Variants in NUF2 observed in about 807,000 individuals in gnomAD.
NUF2 encodes the protein kinetochore protein Nuf2.
In NUF2, 34 loss-of-function variants were observed where a neutral mutation model predicts 61.8. The ratio of observed to expected loss-of-function variants is 0.55; its 90% confidence interval spans 0.42 to 0.73. The LOEUF (loss-of-function observed/expected upper bound fraction) is 0.73. NUF2 is among the 30% of genes least tolerant of loss of function. The pLI, the probability that NUF2 is intolerant of heterozygous loss-of-function variation, is 0.00. For synonymous variants in NUF2, 172 were observed against 181.6 expected (o/e 0.95, Z 0.42); for missense variants, 445 against 539.1 (o/e 0.83, Z 1.73).
chr1:163,353,296 A>C (rs1651385534), intron 13 of NUF2, among the ~76,000 whole-genome samples: 1 of 152,190 alleles, frequency 6.6e-6, no homozygotes, highest in East Asian at 1.9e-4. Context: ...AAATGGCTAC[A>C]CTGGCTGTAA....
At chr1:163,337,618 C>T (rs905396448) in intron 6 of NUF2, among the ~76,000 whole-genome samples, 2 of 152,092 alleles carry the variant, frequency 1.3e-5, no homozygotes, top group African/African-American at 4.8e-5. Context: ...TAAGACACAC[C>T]TCAGACATCT....
chr1:163,334,172 T>C (rs558800118), intron 5 of NUF2, among the ~76,000 whole-genome samples: 12 of 152,322 alleles, frequency 7.9e-5, no homozygotes, highest in Non-Finnish European at 1.8e-4. Flanking sequence ...GGTTGAGTAG[T>C]GTTCTCTGGT....
In NUF2 at chr1:163,347,902, A is replaced by G; in HGVS notation, c.1088A>G (p.His363Arg). The change falls in exon 12 of 14, where the codon CAT becomes CGT. Residue 363 changes from histidine (H) to arginine (R), a missense_variant. Physicochemically the swap from His to Arg is conservative, Grantham distance 29 (BLOSUM62 0). Coordinates refer to ENST00000271452, the MANE Select transcript of NUF2 (RefSeq NM_145697.3). ...GCACAATTCAAAATAAATAAGAAGC[A>G]TGAAGATGTTAAGCAATACAAACGC... ...ATAQFKINKK[H>R]EDVKQYKRTV... 6.2e-7 allele frequency: 1 copy of G among 1,606,556 alleles called. No individual in the cohort carries two copies. Among genetic ancestry groups the G allele is most frequent in the Non-Finnish European group, 8.5e-7 (1 of 1,177,608 alleles).
intron 13 of NUF2, among the ~76,000 whole-genome samples, chr1:163,350,257 G>A (rs1016136759): frequency 1.1e-4 from 17 of 150,518 alleles, no homozygotes; most frequent in South Asian, 2.1e-4. Context: ...AGCTGAGATC[G>A]CACCACTGCA....
chr1:163,329,119 GT>G (rs1185808809), intron 5 of NUF2, among the ~76,000 whole-genome samples: 6 of 151,368 alleles, frequency 4.0e-5, no homozygotes, highest in Non-Finnish European at 7.4e-5. Flanking sequence ...TTTTTCTGAT[GT>G]TTTTTTAAAA....
chr1:163,329,870 A>G (rs563477264), intron 5 of NUF2, among the ~76,000 whole-genome samples: 7 of 152,330 alleles, frequency 4.6e-5, no homozygotes, highest in South Asian at 2.1e-4. Flanking sequence ...ATTCAACACT[A>G]CAAGGAAATT....
intron 11 of NUF2, among the ~76,000 whole-genome samples, chr1:163,347,265 C>CCT (rs1651165102): frequency 6.6e-6 from 1 of 152,206 alleles, no homozygotes; most frequent in African/African-American, 2.4e-5. Flanking sequence ...CCAGGCTGCG[C>CCT]CTCCAGGATA....
At chr1:163,335,346 T>C (rs1341615670) in intron 5 of NUF2, among the ~76,000 whole-genome samples, 2 of 152,190 alleles carry the variant, frequency 1.3e-5, no homozygotes, top group Non-Finnish European at 2.9e-5. Context: ...GACTACAGTA[T>C]AGAATTCTTA....
At chr1:163,347,560 A>G (rs756258780) in intron 11 of NUF2, among the ~76,000 whole-genome samples, 8 of 152,134 alleles carry the variant, frequency 5.3e-5, no homozygotes, top group Non-Finnish European at 1.2e-4. Context: ...TCTAGTTGTC[A>G]TGTCCTTTCT....
chr1:163,328,044 C>T lies in NUF2; in HGVS notation c.199-184C>T, dbSNP rs41272015. On this transcript the variant is annotated intron_variant, in intron 3 of 13. Transcript: ENST00000271452. ...CCATTTTTAAAATTCATTTAAAAAT[C>T]TTTATTAAGCACCTACTGTGAACCT... The T allele has an allele frequency of 8.7e-4, 378 of 436,970 alleles. 1 individual carries two copies. Among genetic ancestry groups the T allele is most frequent in the Admixed American group, 1.3e-3 (31 of 24,180 alleles). 27.1% of individuals were successfully genotyped at this position (436,970 alleles called of 1,614,324 possible).
chr1:163,340,328 T>A, intron 8 of NUF2, 36 bp from the exon 9 acceptor site: 2 of 1,516,936 alleles, frequency 1.3e-6, no homozygotes, highest in Non-Finnish European at 1.8e-6. Context: ...CTAAATGTTT[T>A]GAATCATTAT....
At chr1:163,329,119 G>GT (rs1185808809) in intron 5 of NUF2, among the ~76,000 whole-genome samples, 2 of 151,366 alleles carry the variant, frequency 1.3e-5, no homozygotes, top group Admixed American at 1.3e-4. Flanking sequence ...TTTTTCTGAT[G>GT]TTTTTTTAAA....
chr1:163,342,337 A>T (rs1444925346), intron 9 of NUF2, among the ~76,000 whole-genome samples: 2 of 152,086 alleles, frequency 1.3e-5, no homozygotes, highest in Non-Finnish European at 2.9e-5. Context: ...TAAAACAAGC[A>T]CTTTGTACTT....
chr1:163,339,415 C>G lies in NUF2; in HGVS notation c.544C>G (p.Gln182Glu). ...AGTTGAAGAGCAAGAAGAGTTCAAG[C>G]AGCTTTCAGATGGAATTCAGGAGCT... ...VPVEEQEEFKQLSDGIQELQQ... is the reference protein window; with the variant it reads ...VPVEEQEEFKELSDGIQELQQ... The change falls in exon 8 of 14, where the codon CAG becomes GAG. Residue 182 changes from glutamine to glutamate, a missense_variant. Gln to Glu is a conservative substitution (Grantham distance 29, BLOSUM62 2). Coordinates refer to ENST00000271452, the MANE Select transcript of NUF2 (RefSeq NM_145697.3). 6.2e-7 allele frequency: 1 copy of G among 1,612,570 alleles called. No homozygotes were observed. Among genetic ancestry groups the G allele is most frequent in the Middle Eastern group, 1.7e-4 (1 of 6,058 alleles).
rs1650499472 is a variant in NUF2, at chr1:163,328,520, TC to T, written c.275+217del. On this transcript the variant is annotated intron_variant, in intron 4 of 13. Coordinates refer to ENST00000271452, the MANE Select transcript of NUF2 (RefSeq NM_145697.3). ...TTCTCAGCATATTTTCAATTGAACT[TC>T]TAAGATACTGTAAGTCGAAAATTGT... 5.9e-6 allele frequency: 3 copies of T among 507,690 alleles called. No homozygotes were observed. The Admixed American group carries it at 1.1e-4, about 19-fold the overall frequency. The allele number at this position is 507,690 out of a possible 1,614,324, so 31.4% of individuals were successfully genotyped here.
chr1:163,326,404 T>TAAAA (rs35847334), intron 2 of NUF2, among the ~76,000 whole-genome samples: 12 of 147,446 alleles, frequency 8.1e-5, no homozygotes, highest in East Asian at 2.0e-4. Context: ...GTCGTTTTCT[T>TAAAA]AAAAAAAAAA....
chr1:163,342,046 T>C (rs1315404605), intron 9 of NUF2, among the ~76,000 whole-genome samples: 2 of 152,234 alleles, frequency 1.3e-5, no homozygotes, highest in Non-Finnish European at 2.9e-5. Context: ...TGTAGTAAAA[T>C]TTATAGATAC....
chr1:163,342,121 T>A (rs1296100020), intron 9 of NUF2, among the ~76,000 whole-genome samples: 1 of 152,224 alleles, frequency 6.6e-6, no homozygotes, highest in African/African-American at 2.4e-5. Context: ...TCAGATTATT[T>A]TTTAATACTA....
rs948797233 is a variant in NUF2 at position 163,355,628 on chromosome 1, T to G, written c.*159T>G. 2.8e-5 allele frequency: 12 copies of G among 435,352 alleles called. No individual in the cohort carries two copies. Among genetic ancestry groups the G allele is most frequent in the African/African-American group, 2.5e-4 (12 of 48,918 alleles). 27.0% of individuals were successfully genotyped at this position (435,352 alleles called of 1,614,324 possible). A position where few individuals can be genotyped will look rare whatever the true frequency, so the allele number is the denominator to read the frequency against. ...TAAGTAGTTAATAAGATGAATTTAA[T>G]GTAGGCTTTTATTAATTTATAATTA... On this transcript the variant is annotated 3_prime_UTR_variant, in exon 14 of 14. Coordinates refer to ENST00000271452, the MANE Select transcript of NUF2 (RefSeq NM_145697.3).
Sources: allele counts gnomAD v4.1 joint callset (sites outside exome capture counted in the v4.1 genomes callset), GRCh38; gene constraint gnomAD v4.1.1; transcripts MANE v1.5; gene names NCBI Gene and HGNC (gene_info 2026-07-23, HGNC 2026-07-21).